PTPRD: variants seen among roughly 807,000 people sequenced by gnomAD.
PTPRD encodes receptor-type tyrosine-protein phosphatase delta.
In PTPRD, 34 loss-of-function variants were observed where a neutral mutation model predicts 214.5. The ratio of observed to expected loss-of-function variants is 0.16; its 90% CI spans 0.12 to 0.21. The LOEUF is 0.21. Among genes scored for constraint, PTPRD ranks in the 10% least tolerant of loss-of-function variants. The pLI is 1.00. For synonymous variants in PTPRD, 1,128 were observed against 845.7 expected (o/e 1.33, Z -5.79); for missense variants, 2,545 against 2,398.7 (o/e 1.06, Z -1.27).
At chr9:9,855,849 A>T (rs2061455933) in intron 5 of PTPRD, among the ~76,000 whole-genome samples, 1 of 152,180 alleles carries the variant, frequency 6.6e-6, no homozygotes. Context: ...TCTGCAGTCC[A>T]TGGACGGCTT....
chr9:9,088,581 G>GAAAAA (rs533619970), intron 10 of PTPRD, among the ~76,000 whole-genome samples: 481 of 33,022 alleles, frequency 0.015, 10 homozygotes, highest in Middle Eastern at 0.14. Context: ...CTTAGTCTCA[G>GAAAAA]AAAAAAAAAA....
intron 26 of PTPRD, among the ~76,000 whole-genome samples, chr9:8,495,521 G>A (rs951598698): frequency 2.0e-5 from 3 of 152,144 alleles, no homozygotes; most frequent in Non-Finnish European, 4.4e-5. Flanking sequence ...TGCAGGTAAT[G>A]ACCCATTTAG....
At chr9:9,400,571 C>A (rs1299015577) in intron 8 of PTPRD, among the ~76,000 whole-genome samples, 1 of 151,972 alleles carries the variant, frequency 6.6e-6, no homozygotes, top group Admixed American at 6.6e-5. Flanking sequence ...TCATTTCCAA[C>A]CACATCTCCC....
At chr9:9,821,573 G>A (rs1024272757) in intron 5 of PTPRD, among the ~76,000 whole-genome samples, 2 of 152,158 alleles carry the variant, frequency 1.3e-5, no homozygotes, top group Middle Eastern at 3.2e-3. Flanking sequence ...ATATCATAAT[G>A]ATTATTGCAT....
At chr9:9,225,639 C>G (rs960289904) in intron 9 of PTPRD, among the ~76,000 whole-genome samples, 1 of 152,010 alleles carries the variant, frequency 6.6e-6, no homozygotes, top group Admixed American at 6.6e-5. Context: ...TACCTTGAGA[C>G]ATAATCTTTT....
At chr9:9,213,060 T>A (rs533615968) in intron 9 of PTPRD, among the ~76,000 whole-genome samples, 1 of 152,296 alleles carries the variant, frequency 6.6e-6, no homozygotes, top group East Asian at 1.9e-4. Flanking sequence ...CATGATTACT[T>A]ATTAAATGAA....
chr9:9,599,312 C>A (rs1379561104), intron 7 of PTPRD, among the ~76,000 whole-genome samples: 1 of 152,068 alleles, frequency 6.6e-6, no homozygotes. Context: ...AAAGGACACA[C>A]AATTTACAGA....
At chr9:9,172,968 G>C (rs752031249) in intron 10 of PTPRD, among the ~76,000 whole-genome samples, 1 of 152,100 alleles carries the variant, frequency 6.6e-6, no homozygotes, top group East Asian at 1.9e-4. Flanking sequence ...TGTTCAATGA[G>C]AGATCACCTC....
At chr9:9,484,194 T>C (rs1051436823) in intron 8 of PTPRD, among the ~76,000 whole-genome samples, 1 of 150,600 alleles carries the variant, frequency 6.6e-6, no homozygotes, top group Non-Finnish European at 1.5e-5. Context: ...TTGTATATAA[T>C]AGAATACTAT....
At chr9:8,752,823 T>G (rs889244047) in intron 11 of PTPRD, among the ~76,000 whole-genome samples, 4 of 152,154 alleles carry the variant, frequency 2.6e-5, no homozygotes, top group Admixed American at 6.5e-5. Flanking sequence ...AACCACCAAG[T>G]TGAGCCCAGC....
At chr9:8,353,689 C>T (rs937576604) in intron 39 of PTPRD, among the ~76,000 whole-genome samples, 2 of 151,782 alleles carry the variant, frequency 1.3e-5, no homozygotes, top group African/African-American at 4.8e-5. Context: ...CCGCCTCAGC[C>T]CCCCAAAGTG....
At chr9:9,107,600 A>T (rs2099800443) in intron 10 of PTPRD, among the ~76,000 whole-genome samples, 1 of 152,194 alleles carries the variant, frequency 6.6e-6, no homozygotes, top group Non-Finnish European at 1.5e-5. Context: ...GAAAAGTGAA[A>T]TAAAAGGGAG....
At chr9:8,915,779 G>A (rs1249612514) in intron 11 of PTPRD, among the ~76,000 whole-genome samples, 1 of 152,180 alleles carries the variant, frequency 6.6e-6, no homozygotes, top group Non-Finnish European at 1.5e-5. Flanking sequence ...AGGCTTTCAA[G>A]TGATTGGATG....
chr9:9,384,974 T>C (rs553117923), intron 9 of PTPRD, among the ~76,000 whole-genome samples: 1 of 152,172 alleles, frequency 6.6e-6, no homozygotes, highest in South Asian at 2.1e-4. Context: ...ATATATCATT[T>C]TTTCTAAACA....
intron 3 of PTPRD, among the ~76,000 whole-genome samples, chr9:10,172,177 G>C (rs2099212641): frequency 1.3e-5 from 2 of 152,048 alleles, no homozygotes; most frequent in South Asian, 4.2e-4. Context: ...GCAGATTTTT[G>C]TTTATAGGCA....
chr9:8,837,570 G>A (rs551994685), intron 11 of PTPRD, among the ~76,000 whole-genome samples: 5 of 152,050 alleles, frequency 3.3e-5, no homozygotes, highest in African/African-American at 7.2e-5. Flanking sequence ...TAGCACAATC[G>A]TGGTGAGCCT....
intron 11 of PTPRD, among the ~76,000 whole-genome samples, chr9:8,997,068 TC>T (rs1165646021): frequency 6.6e-6 from 1 of 152,054 alleles, no homozygotes; most frequent in African/African-American, 2.4e-5. Context: ...GAGTCTCATT[TC>T]TTTCCTTGTT....
intron 2 of PTPRD, among the ~76,000 whole-genome samples, chr9:10,516,828 C>A (rs1212747302): frequency 6.6e-6 from 1 of 151,790 alleles, no homozygotes; most frequent in Non-Finnish European, 1.5e-5. Context: ...GCTGAAGAAA[C>A]TATTATTTTC....
At chr9:9,375,023 T>C (rs2060416842) in intron 9 of PTPRD, among the ~76,000 whole-genome samples, 2 of 152,018 alleles carry the variant, frequency 1.3e-5, no homozygotes, top group African/African-American at 2.4e-5. Context: ...TTACTAGAAC[T>C]TTTTTTTACA....
Sources: allele counts gnomAD v4.1 joint callset (sites outside exome capture counted in the v4.1 genomes callset), GRCh38; gene constraint gnomAD v4.1.1; transcripts MANE v1.5; gene names NCBI Gene and HGNC (gene_info 2026-07-23, HGNC 2026-07-21).